Variants in B3GALT1 observed in about 807,000 individuals in gnomAD.
B3GALT1 encodes the protein UDP-Gal:betaGlcNAc beta 1,3-galactosyltransferase, polypeptide 1.
Under a neutral mutation model 23.2 loss-of-function variants are expected in B3GALT1, and 10 were observed. The ratio of observed to expected loss-of-function variants is 0.43; its 90% CI spans 0.27 to 0.73. The LOEUF (loss-of-function observed/expected upper bound fraction) is 0.73, where lower values mean the gene tolerates loss of function less well. B3GALT1 is among the 30% of genes least tolerant of loss of function. B3GALT1 has a pLI of 0.21. For synonymous variants in B3GALT1, 156 were observed against 141.5 expected (o/e 1.10, Z -0.73); for missense variants, 299 against 405.4 (o/e 0.74, Z 2.25).
At chr2:167,703,234 A>G (rs1947193) in intron 3 of B3GALT1, among the ~76,000 whole-genome samples, 101,413 of 152,118 alleles carry the variant, frequency 0.67, 34,148 homozygotes, top group East Asian at 0.93. Context: ...TAAGGTTTTA[A>G]TAACTTACTG....
chr2:167,841,391 G>A (rs1298886209), intron 4 of B3GALT1, among the ~76,000 whole-genome samples: 1 of 152,122 alleles, frequency 6.6e-6, no homozygotes, highest in African/African-American at 2.4e-5. Context: ...CCACCTCAGG[G>A]TCTAAATGGA....
intron 4 of B3GALT1, among the ~76,000 whole-genome samples, chr2:167,830,152 C>G (rs908501152): frequency 1.3e-5 from 2 of 152,164 alleles, no homozygotes; most frequent in Non-Finnish European, 2.9e-5. Context: ...CTGGAAGTCA[C>G]GCCCAGAGAA....
At position 167,825,437 on chromosome 2, in the gene B3GALT1, GGTGT is replaced by G. The variant is rs111721100; in HGVS notation, c.-230+6660_-230+6663del. Reference sequence around the variant, plus strand: ...AAAGAACCAATAAGATATATGCAGGGGTGTGTGTGTGTGTGTGTGCGTGCACGTG... The same window carrying G: ...AAAGAACCAATAAGATATATGCAGGGGTGTGTGTGTGTGTGCGTGCACGTG... On this transcript the variant is annotated intron_variant, in intron 4 of 4. Coordinates refer to ENST00000392690, the MANE Select transcript of B3GALT1 (RefSeq NM_020981.4). Among the ~76,000 whole-genome samples, 12 of 144,566 alleles carry G rather than the reference GGTGT, an allele frequency of 8.3e-5. No homozygotes were observed. In the South Asian group the frequency reaches 8.7e-4, roughly 10 times the overall value. 94.8% of individuals were successfully genotyped at this position (144,566 alleles called of 152,430 possible). A position where few individuals can be genotyped will look rare whatever the true frequency, so the allele number is the denominator to read the frequency against.
At chr2:167,643,500 A>G (rs1229774150) in intron 2 of B3GALT1, among the ~76,000 whole-genome samples, 2 of 152,198 alleles carry the variant, frequency 1.3e-5, no homozygotes, top group East Asian at 1.9e-4. Flanking sequence ...AAAGTAGTCT[A>G]TGAAGAATTG....
chr2:167,656,705 G>A (rs532968271), intron 3 of B3GALT1, among the ~76,000 whole-genome samples: 187 of 152,242 alleles, frequency 1.2e-3, no homozygotes, highest in Non-Finnish European at 2.4e-3. Flanking sequence ...CTGTCCTACA[G>A]CTTATTGTTG....
At chr2:167,294,155 G>T (rs1479991346) in intron 1 of B3GALT1, among the ~76,000 whole-genome samples, 2 of 152,146 alleles carry the variant, frequency 1.3e-5, no homozygotes, top group Non-Finnish European at 2.9e-5. Flanking sequence ...CCGACGGCCC[G>T]GCGTCCAGGT....
chr2:167,530,903 G>GATT (rs1558894734), intron 2 of B3GALT1, among the ~76,000 whole-genome samples: 1 of 152,166 alleles, frequency 6.6e-6, no homozygotes, highest in East Asian at 1.9e-4. Flanking sequence ...TGCTTAGGTA[G>GATT]ATTAGCCTGC....
intron 4 of B3GALT1, among the ~76,000 whole-genome samples, chr2:167,843,392 T>G (rs956560388): frequency 6.6e-6 from 1 of 152,186 alleles, no homozygotes; most frequent in African/African-American, 2.4e-5. Context: ...CTTGACCAGA[T>G]GCCCAGAAGG....
At chr2:167,331,729 C>T (rs905512660) in intron 1 of B3GALT1, among the ~76,000 whole-genome samples, 1 of 152,140 alleles carries the variant, frequency 6.6e-6, no homozygotes, top group Non-Finnish European at 1.5e-5. Context: ...TACCTAAAGA[C>T]ACTGGCTGTG....
Position 167,601,454 on chromosome 2 carries a change from A to T in B3GALT1, c.-409-45455A>T, listed in dbSNP as rs187554281. On this transcript the variant is annotated intron_variant, in intron 2 of 4. Coordinates refer to ENST00000392690, the MANE Select transcript of B3GALT1 (RefSeq NM_020981.4). ...AATTCTCCAGATATTTCAGATTTTT[A>T]AAATCTATTGCTCTGGTCATTTATT... Among the ~76,000 whole-genome samples the T allele has an allele frequency of 1.5e-3, 236 of 152,338 alleles. 2 individuals are homozygous for T. The highest frequency in any genetic ancestry group is 5.2e-3 in the African/African-American group (217 of 41,568).
chr2:167,357,452 G>A (rs1697434280), intron 1 of B3GALT1, among the ~76,000 whole-genome samples: 1 of 151,930 alleles, frequency 6.6e-6, no homozygotes. Context: ...TAATTGTACT[G>A]ACATTTGTCT....
chr2:167,428,433 G>T (rs577356756), intron 1 of B3GALT1, among the ~76,000 whole-genome samples: 12 of 152,256 alleles, frequency 7.9e-5, no homozygotes, highest in African/African-American at 2.9e-4. Context: ...CCAGCACTTT[G>T]GGGGGCTGAG....
intron 3 of B3GALT1, among the ~76,000 whole-genome samples, chr2:167,765,438 A>G (rs896268026): frequency 6.6e-6 from 1 of 152,198 alleles, no homozygotes; most frequent in Non-Finnish European, 1.5e-5. Context: ...CTCAGGTGTA[A>G]GTTCTGTCAA....
At chr2:167,524,930 A>C (rs1683195374) in intron 2 of B3GALT1, among the ~76,000 whole-genome samples, 1 of 152,234 alleles carries the variant, frequency 6.6e-6, no homozygotes, top group South Asian at 2.1e-4. Context: ...ATGGGTAGAC[A>C]TGCTTTAGTC....
At chr2:167,560,171 A>T (rs1683945540) in intron 2 of B3GALT1, among the ~76,000 whole-genome samples, 1 of 152,304 alleles carries the variant, frequency 6.6e-6, no homozygotes, top group South Asian at 2.1e-4. Context: ...GAAGAAAAGA[A>T]TTTTCAACCC....
intron 3 of B3GALT1, among the ~76,000 whole-genome samples, chr2:167,683,385 C>T (rs951993302): frequency 1.3e-5 from 2 of 152,142 alleles, no homozygotes; most frequent in African/African-American, 4.8e-5. Context: ...CTGTCTATAG[C>T]CCACTTTGCC....
chr2:167,832,266 T>C (rs920494041), intron 4 of B3GALT1, among the ~76,000 whole-genome samples: 9 of 152,248 alleles, frequency 5.9e-5, no homozygotes, highest in African/African-American at 9.6e-5. Context: ...AGTTTCATTA[T>C]TTCTAAAAGT....
chr2:167,805,602 C>T lies in B3GALT1; in HGVS notation c.-351-13070C>T, dbSNP rs1026385749. Among the ~76,000 whole-genome samples, 923 of 152,182 alleles carry T rather than the reference C, an allele frequency of 6.1e-3. 1 individual carries two copies. The highest frequency in any genetic ancestry group is 8.2e-3 in the Non-Finnish European group (558 of 67,980). On this transcript the variant is annotated intron_variant, in intron 3 of 4. Transcript: ENST00000392690. ...AATAGGGAATCCTTTCCCCATTTCT[C>T]ATTTTTGTCAGGTTTGTCAAAGATC...
intron 1 of B3GALT1, among the ~76,000 whole-genome samples, chr2:167,338,298 T>C (rs1697091979): frequency 6.6e-6 from 1 of 152,154 alleles, no homozygotes; most frequent in African/African-American, 2.4e-5. Flanking sequence ...ATTAGATACA[T>C]GATCAAAGTT....
Sources: allele counts gnomAD v4.1 joint callset (sites outside exome capture counted in the v4.1 genomes callset), GRCh38; gene constraint gnomAD v4.1.1; transcripts MANE v1.5; gene names NCBI Gene and HGNC (gene_info 2026-07-23, HGNC 2026-07-21).